The following UBLCP1 variants were observed in gnomAD, a reference collection of about 807,000 sequenced individuals.
The protein encoded by UBLCP1 is ubiquitin like domain containing CTD phosphatase 1, also known as ubiquitin-like domain-containing CTD phosphatase 1.
In UBLCP1, 28 loss-of-function variants were observed where a neutral mutation model predicts 42.4. The observed-to-expected ratio is 0.66, with a 90% confidence interval of 0.49 to 0.90. The LOEUF (loss-of-function observed/expected upper bound fraction) is 0.90, where lower values mean the gene tolerates loss of function less well. UBLCP1 is among the 40% of genes least tolerant of loss of function. The probability of loss-of-function intolerance (pLI) is 0.00; values close to 1 mark genes in which losing one functional copy is unlikely to be tolerated. For missense variants in UBLCP1, 279 were observed against 374.5 expected (o/e 0.75, Z 2.10); for synonymous variants, 122 against 120.8 (o/e 1.01, Z -0.07).
chr5:159,276,383 C>T (rs1753536963), intron 8 of UBLCP1, among the ~76,000 whole-genome samples: 1 of 152,122 alleles, frequency 6.6e-6, no homozygotes, highest in Admixed American at 6.5e-5. Context: ...TTAAAATTAT[C>T]AAAACCATAA....
At chr5:159,266,098 CAG>C (rs1753387886) in intron 1 of UBLCP1, among the ~76,000 whole-genome samples, 2 of 152,190 alleles carry the variant, frequency 1.3e-5, no homozygotes, top group African/African-American at 4.8e-5. Flanking sequence ...AACTGGGTAA[CAG>C]GCAGAGGTTG....
intron 1 of UBLCP1, among the ~76,000 whole-genome samples, chr5:159,267,750 C>T (rs1369227420): frequency 6.6e-6 from 1 of 152,210 alleles, no homozygotes; most frequent in Non-Finnish European, 1.5e-5. Context: ...GAATAAGTCT[C>T]ATGAGATCTG....
At chr5:159,284,436 A>G (rs1263957981) in intron 10 of UBLCP1, among the ~76,000 whole-genome samples, 1 of 152,206 alleles carries the variant, frequency 6.6e-6, no homozygotes, top group African/African-American at 2.4e-5. Flanking sequence ...CTCTTGATCA[A>G]AGACCTTTAG....
intron 9 of UBLCP1, 29 bp downstream of exon 9, chr5:159,278,383 T>G (rs772395982): frequency 3.5e-6 from 5 of 1,442,832 alleles, no homozygotes; most frequent in East Asian, 2.3e-5. Flanking sequence ...TGTTATGTGC[T>G]CATGTAATCT....
rs60889567 is a variant in UBLCP1, at chr5:159,270,961, G to GATAT, written c.448+327_448+330dup. ...CAGTAAAATATTGTTTATTATGAAT[G>GATAT]ATATATATATATGTGTGTGTGTGTA... On this transcript the variant is annotated intron_variant, in intron 5 of 10. Transcript: ENST00000296786. Among the ~76,000 whole-genome samples, 10 of 148,392 alleles carry GATAT rather than the reference G, an allele frequency of 6.7e-5. No homozygotes were observed. In the East Asian group the frequency reaches 1.6e-3, roughly 23 times the overall value.
intron 9 of UBLCP1, among the ~76,000 whole-genome samples, chr5:159,280,777 G>A (rs1157897512): frequency 6.6e-6 from 1 of 152,168 alleles, no homozygotes; most frequent in African/African-American, 2.4e-5. Context: ...AAGGTTTGAA[G>A]TACATGGAAG....
intron 9 of UBLCP1, among the ~76,000 whole-genome samples, chr5:159,281,870 A>T (rs1362040693): frequency 6.6e-6 from 1 of 152,272 alleles, no homozygotes; most frequent in East Asian, 1.9e-4. Flanking sequence ...CCAAAAAAAA[A>T]AAAAACTAAT....
At chr5:159,278,384 C>A in intron 9 of UBLCP1, 30 bp downstream of exon 9, 2 of 1,444,792 alleles carry the variant, frequency 1.4e-6, no homozygotes, top group South Asian at 1.1e-5. Flanking sequence ...GTTATGTGCT[C>A]ATGTAATCTG....
At chr5:159,278,413 T>C (rs1261857391) in intron 9 of UBLCP1, 59 bp downstream of exon 9, 1 of 1,139,178 alleles carries the variant, frequency 8.8e-7, no homozygotes, top group Non-Finnish European at 1.3e-6. Context: ...GGTAGAACTT[T>C]TGTAGTAAGC....
At chr5:159,271,502 A>G (rs1280858356) in intron 5 of UBLCP1, among the ~76,000 whole-genome samples, 1 of 152,196 alleles carries the variant, frequency 6.6e-6, no homozygotes, top group Non-Finnish European at 1.5e-5. Flanking sequence ...TGAAAAAGAA[A>G]GATGTTCCTT....
Position 159,269,913 on chromosome 5 carries a change from C to T in UBLCP1, c.160C>T (p.Pro54Ser). Residue 54 changes from proline to serine, a missense_variant, in exon 3 of 11, where the codon CCT (proline) becomes TCT (serine). Coordinates refer to ENST00000296786, the MANE Select transcript of UBLCP1 (RefSeq NM_145049.5). Reference protein sequence around the residue: ...KLLGLKVKGKPAENDVKLGAL... With the variant: ...KLLGLKVKGKSAENDVKLGAL... ...GTCATTTGCTTGTATTGTAGGCAAACCTGCAGAAAATGATGTTAAGCTTGG... is the reference window on the plus strand; with the variant it reads ...GTCATTTGCTTGTATTGTAGGCAAATCTGCAGAAAATGATGTTAAGCTTGG... 5 of 1,612,230 alleles carry T rather than the reference C, an allele frequency of 3.1e-6. No individual in the cohort carries two copies. Among genetic ancestry groups the T allele is most frequent in the Non-Finnish European group, 3.4e-6 (4 of 1,179,128 alleles).
At position 159,270,642 on chromosome 5, in the gene UBLCP1, T is replaced by C; in HGVS notation, c.447T>C (p.Phe149=). 2.5e-6 allele frequency: 4 copies of C among 1,569,850 alleles called. No individual in the cohort carries two copies. Among genetic ancestry groups the C allele is most frequent in the Non-Finnish European group, 2.6e-6 (3 of 1,158,986 alleles). The change falls in exon 5 of 11, where the codon TTT becomes TTC. Residue 149 remains phenylalanine, a splice_region_variant and synonymous_variant. Coordinates refer to ENST00000296786, the MANE Select transcript of UBLCP1 (RefSeq NM_145049.5). ...TGCTAGATGTTGATTATACATTATT[T>C]GGTAAGTCAGTTAAGAATGCTTTTC... ...LLVLDVDYTL[F]DHRSCAETGV...
intron 1 of UBLCP1, among the ~76,000 whole-genome samples, chr5:159,263,798 C>T (rs1753334291): frequency 6.6e-6 from 1 of 152,220 alleles, no homozygotes; most frequent in Non-Finnish European, 1.5e-5. Context: ...CTTAGTGCTT[C>T]ACGGTTATCT....
intron 8 of UBLCP1, among the ~76,000 whole-genome samples, chr5:159,276,793 AC>A (rs1753543005): frequency 6.6e-6 from 1 of 152,232 alleles, no homozygotes; most frequent in African/African-American, 2.4e-5. Context: ...TTAACAAAGA[AC>A]CTGTCAACTC....
intron 3 of UBLCP1, 82 bp from the exon 4 acceptor site, chr5:159,270,278 C>A (rs781163301): frequency 1.7e-6 from 2 of 1,161,596 alleles, no homozygotes; most frequent in Non-Finnish European, 2.5e-6. Context: ...CAAATTGTAT[C>A]TCTCATTTTA....
In UBLCP1 at chr5:159,271,515, AT is replaced by A. The variant is rs568608264; in HGVS notation, c.449-507del. ...ATTGAAAAAGAAAGATGTTCCTTTT[AT>A]GTCTAATGTTGGCAAGAAATAGTTA... On this transcript the variant is annotated intron_variant, in intron 5 of 10. Transcript: ENST00000296786. 1.3e-3 allele frequency among the ~76,000 whole-genome samples: 201 copies of A among 152,330 alleles called. 1 individual carries two copies. The highest frequency in any genetic ancestry group is 4.6e-3 in the African/African-American group (191 of 41,594).
At position 159,268,898 on chromosome 5, in the gene UBLCP1, T is replaced by C. The variant is rs1213494413; in HGVS notation, c.-18T>C. 6.3e-7 allele frequency: 1 copy of C among 1,598,798 alleles called. No individual in the cohort carries two copies. Among genetic ancestry groups the C allele is most frequent in the Non-Finnish European group, 8.5e-7 (1 of 1,175,722 alleles). On this transcript the variant is annotated 5_prime_UTR_variant, in exon 2 of 11. Transcript: ENST00000296786. ...TTTTTTTTTCTGAAGGAAAGCTGCT[T>C]CCTCATATGTTTCAAGAATGGCTCT...
Position 159,270,527 on chromosome 5 carries a change from G to C in UBLCP1, c.333-1G>C. 6.2e-7 allele frequency: 1 copy of C among 1,608,228 alleles called. No individual in the cohort carries two copies. Among genetic ancestry groups the C allele is most frequent in the South Asian group, 1.1e-5 (1 of 89,998 alleles). ...TTATCTAATTATATGTTTTCCATTA[G>C]GGAAGAAAACCTACTGAAAATTTCT... On this transcript the variant is annotated splice_acceptor_variant, in intron 4 of 10. Transcript: ENST00000296786. LOFTEE classifies it high-confidence loss of function.
chr5:159,273,329 TTTAAA>T (rs1483425010), intron 6 of UBLCP1, among the ~76,000 whole-genome samples: 1 of 152,180 alleles, frequency 6.6e-6, no homozygotes, highest in African/African-American at 2.4e-5. Context: ...CAATAGTATA[TTTAAA>T]TTATTTTTAT....
Sources: gnomAD v4.1 joint callset for allele counts (sites outside exome capture counted in the v4.1 genomes callset) on GRCh38, gnomAD v4.1.1 for gene constraint, MANE v1.5 for transcripts, NCBI Gene and HGNC (gene_info 2026-07-23, HGNC 2026-07-21) for gene names.